Variants in PDE4D observed in about 807,000 individuals in gnomAD.
PDE4D encodes the protein 3',5'-cyclic-AMP phosphodiesterase 4D.
Under a neutral mutation model 87.4 loss-of-function variants are expected in PDE4D, and 24 were observed. The ratio of observed to expected loss-of-function variants is 0.27; its 90% CI spans 0.20 to 0.39. The LOEUF (loss-of-function observed/expected upper bound fraction) is 0.39, where lower values mean the gene tolerates loss of function less well. Among genes scored for constraint, PDE4D ranks in the 10% least tolerant of loss-of-function variants. The pLI, the probability that PDE4D is intolerant of heterozygous loss-of-function variation, is 1.00. For missense variants in PDE4D, 714 were observed against 1,041.0 expected (o/e 0.69, Z 4.32); for synonymous variants, 384 against 383.2 (o/e 1.00, Z -0.02).
chr5:60,198,383 G>A (rs908257482), intron 1 of PDE4D, among the ~76,000 whole-genome samples: 3 of 151,508 alleles, frequency 2.0e-5, no homozygotes, highest in Non-Finnish European at 4.4e-5. Flanking sequence ...AAACTAATCA[G>A]TGGAATATTA....
At chr5:59,649,916 T>TTC (rs1743152713) in intron 1 of PDE4D, among the ~76,000 whole-genome samples, 1 of 127,688 alleles carries the variant, frequency 7.8e-6, no homozygotes, top group African/African-American at 2.9e-5. Context: ...TTTTTTTTTT[T>TTC]TTTTTTTTTT....
intron 1 of PDE4D, among the ~76,000 whole-genome samples, chr5:59,733,562 G>T (rs753701053): frequency 6.6e-6 from 1 of 152,064 alleles, no homozygotes; most frequent in African/African-American, 2.4e-5. Flanking sequence ...TGATTACATG[G>T]ATTAGAATGT....
chr5:59,134,855 T>G lies in PDE4D; in HGVS notation c.808+45740A>C, dbSNP rs1435602129. Among the ~76,000 whole-genome samples, 5 of 152,204 alleles carry G rather than the reference T, an allele frequency of 3.3e-5. No individual in the cohort carries two copies. In the East Asian group the frequency reaches 9.6e-4, roughly 29 times the overall value. On this transcript the variant is annotated intron_variant, in intron 5 of 14. Transcript: ENST00000340635. ...ACTTTTCCTCATGGCTCCAAATGTA[T>G]GAGCTCTAGGTTGTTATTCAGGGTT...
intron 1 of PDE4D, among the ~76,000 whole-genome samples, chr5:59,325,229 A>C (rs1775430850): frequency 6.6e-6 from 1 of 152,278 alleles, no homozygotes; most frequent in Admixed American, 6.5e-5. Context: ...TCAGGAACTT[A>C]AAAGGGGGAA....
chr5:60,036,332 C>G (rs1054564906), intron 2 of PDE4D, among the ~76,000 whole-genome samples: 1 of 152,154 alleles, frequency 6.6e-6, no homozygotes, highest in Non-Finnish European at 1.5e-5. Flanking sequence ...ATCCATTGTT[C>G]AAGTTATTCT....
chr5:59,839,921 A>G (rs188081495), intron 1 of PDE4D, among the ~76,000 whole-genome samples: 98 of 152,188 alleles, frequency 6.4e-4, no homozygotes, highest in Middle Eastern at 3.4e-3. Context: ...AGTTTTGTCC[A>G]GACACATTTT....
chr5:60,041,883 G>A (rs184340305), intron 2 of PDE4D, among the ~76,000 whole-genome samples: 148 of 150,918 alleles, frequency 9.8e-4, no homozygotes, highest in Middle Eastern at 6.8e-3. Context: ...GGCTGTTTGG[G>A]CAGACACCGA....
At chr5:60,411,499 T>C (rs1742040810) in intron 1 of PDE4D, among the ~76,000 whole-genome samples, 1 of 152,168 alleles carries the variant, frequency 6.6e-6, no homozygotes, top group South Asian at 2.1e-4. Context: ...ATCATCATCA[T>C]TGCAATTATT....
intron 1 of PDE4D, among the ~76,000 whole-genome samples, chr5:60,497,905 G>A (rs940568667): frequency 4.6e-5 from 7 of 152,248 alleles, no homozygotes; most frequent in South Asian, 2.1e-4. Flanking sequence ...TTGCCAGGGC[G>A]ATTAGTCAAG....
At chr5:59,156,347 G>A (rs1233413951) in intron 5 of PDE4D, among the ~76,000 whole-genome samples, 6,390 of 116,090 alleles carry the variant, frequency 0.055, 296 homozygotes, top group Non-Finnish European at 0.085. Flanking sequence ...GTGTGTGTGT[G>A]TGTGTGTGTG....
Position 59,642,761 on chromosome 5 carries a change from A to T in PDE4D, c.455+250407T>A, listed in dbSNP as rs371968660. Among the ~76,000 whole-genome samples the T allele has an allele frequency of 5.4e-4, 82 of 152,326 alleles. 1 individual carries two copies. The highest frequency in any genetic ancestry group is 1.9e-3 in the African/African-American group (77 of 41,582). ...TGCACTAAGAACAAAATCCTAAAAA[A>T]TACACTACAAGGTGTTAGAGTCATT... On this transcript the variant is annotated intron_variant, in intron 1 of 14. Coordinates refer to ENST00000340635, the MANE Select transcript of PDE4D (RefSeq NM_001104631.2).
intron 2 of PDE4D, among the ~76,000 whole-genome samples, chr5:60,053,683 T>A (rs2152881676): frequency 6.6e-6 from 1 of 152,240 alleles, no homozygotes; most frequent in East Asian, 1.9e-4. Flanking sequence ...AAGCCAAAAT[T>A]GACAAATGGA....
chr5:59,505,958 A>G (rs914694397), intron 1 of PDE4D, among the ~76,000 whole-genome samples: 4 of 152,188 alleles, frequency 2.6e-5, no homozygotes, highest in African/African-American at 7.2e-5. Flanking sequence ...CTAAAGAAAC[A>G]TAACACCATG....
chr5:59,251,705 T>C (rs927563562), intron 1 of PDE4D, among the ~76,000 whole-genome samples: 1 of 152,138 alleles, frequency 6.6e-6, no homozygotes, highest in Admixed American at 6.6e-5. Context: ...TAAATCATTC[T>C]ACCATAAAGA....
At chr5:59,365,447 C>G (rs1782899042) in intron 1 of PDE4D, among the ~76,000 whole-genome samples, 1 of 152,114 alleles carries the variant, frequency 6.6e-6, no homozygotes, top group Non-Finnish European at 1.5e-5. Flanking sequence ...GCCTGGCTGA[C>G]AGAGTAAGAC....
At chr5:60,153,166 A>G (rs965532934) in intron 2 of PDE4D, among the ~76,000 whole-genome samples, 2 of 152,236 alleles carry the variant, frequency 1.3e-5, no homozygotes, top group African/African-American at 4.8e-5. Flanking sequence ...TTGGAACCCA[A>G]ACAACTCAGT....
At chr5:59,573,423 C>T (rs1023927589) in intron 1 of PDE4D, among the ~76,000 whole-genome samples, 1 of 152,102 alleles carries the variant, frequency 6.6e-6, no homozygotes, top group African/African-American at 2.4e-5. Flanking sequence ...TAGCAACTCC[C>T]TGTACCCTCC....
intron 1 of PDE4D, among the ~76,000 whole-genome samples, chr5:60,380,469 T>C (rs1761771834): frequency 6.6e-6 from 1 of 152,210 alleles, no homozygotes; most frequent in Admixed American, 6.5e-5. Context: ...TTAAGAGCCA[T>C]TTTATGGTTC....
At chr5:59,291,762 G>A (rs1768081704) in intron 1 of PDE4D, among the ~76,000 whole-genome samples, 1 of 143,758 alleles carries the variant, frequency 7.0e-6, no homozygotes, top group African/African-American at 2.6e-5. Context: ...TTTTTGAATG[G>A]ATAGCTTCTG....
Sources: gnomAD v4.1 joint callset for allele counts (sites outside exome capture counted in the v4.1 genomes callset) on GRCh38, gnomAD v4.1.1 for gene constraint, MANE v1.5 for transcripts, NCBI Gene and HGNC (gene_info 2026-07-23, HGNC 2026-07-21) for gene names.